Variants in RFX4 observed in about 807,000 individuals in gnomAD.
RFX4 encodes the protein regulatory factor X4.
Under a neutral mutation model 95.0 loss-of-function variants are expected in RFX4, and 10 were observed. That is an observed-to-expected ratio of 0.11 (90% confidence interval 0.06 to 0.18). The LOEUF (loss-of-function observed/expected upper bound fraction) is 0.18, where lower values mean the gene tolerates loss of function less well. Ranked by LOEUF, RFX4 falls within the 10% of genes least tolerant of loss-of-function variation. The pLI is 1.00. For missense variants in RFX4, 640 were observed against 922.0 expected (o/e 0.69, Z 3.96); for synonymous variants, 321 against 340.7 (o/e 0.94, Z 0.64).
At chr12:106,671,561 T>C (rs560512729) in intron 4 of RFX4, among the ~76,000 whole-genome samples, 1 of 152,280 alleles carries the variant, frequency 6.6e-6, no homozygotes, top group East Asian at 1.9e-4. Context: ...GGCCAGAGAC[T>C]GTGAATGGAG....
chr12:106,708,590 T>A (rs752813194), intron 8 of RFX4, among the ~76,000 whole-genome samples: 2 of 151,954 alleles, frequency 1.3e-5, no homozygotes, highest in Non-Finnish European at 2.9e-5. Flanking sequence ...AAGGCAAGGA[T>A]GGATGGTCAA....
At chr12:106,708,383 C>T (rs886626654) in intron 8 of RFX4, among the ~76,000 whole-genome samples, 9 of 151,544 alleles carry the variant, frequency 5.9e-5, no homozygotes, top group East Asian at 5.8e-4. Context: ...TGATTCCACC[C>T]GCTGGCAGGG....
Position 106,761,625 on chromosome 12 carries a change from A to C in RFX4, c.*156A>C, listed in dbSNP as rs1257763813. 1 of 414,478 alleles carries C rather than the reference A, an allele frequency of 2.4e-6. No individual in the cohort carries two copies. The highest frequency in any genetic ancestry group is 2.1e-5 in the African/African-American group (1 of 47,732). 25.7% of individuals were successfully genotyped at this position (414,478 alleles called of 1,614,324 possible). On this transcript the variant is annotated 3_prime_UTR_variant, in exon 18 of 18. Coordinates refer to ENST00000392842, the MANE Select transcript of RFX4 (RefSeq NM_213594.3). Reference sequence around the variant, plus strand: ...TCCTAATGAACATGAGGATGGGATCAATGTGGGATGAATAAACTTTAGTTC... The same window carrying C: ...TCCTAATGAACATGAGGATGGGATCCATGTGGGATGAATAAACTTTAGTTC...
chr12:106,694,987 A>G (rs1012952294), intron 7 of RFX4, among the ~76,000 whole-genome samples: 1 of 152,076 alleles, frequency 6.6e-6, no homozygotes, highest in African/African-American at 2.4e-5. Flanking sequence ...CAGTGAGCCG[A>G]GACCACACCA....
chr12:106,733,693 C>CA (rs2137567088), intron 15 of RFX4, among the ~76,000 whole-genome samples: 1 of 152,298 alleles, frequency 6.6e-6, no homozygotes, highest in South Asian at 2.1e-4. Flanking sequence ...AGTGGGTCTT[C>CA]AGCTAAGCTA....
Position 106,592,911 on chromosome 12 carries a change from G to T in RFX4, c.43+9548G>T, listed in dbSNP as rs75422755. Among the ~76,000 whole-genome samples, 1,001 of 152,256 alleles carry T rather than the reference G, an allele frequency of 6.6e-3. 13 individuals are homozygous for T. The highest frequency in any genetic ancestry group is 0.023 in the African/African-American group (968 of 41,548). The stretch of plus-strand genomic sequence containing the variant: ...GAGTTCTTGAAATGTTTACGAGAGG[G>T]AAAGAGATGATAAAAAGCAGAAAAG... On this transcript the variant is annotated intron_variant, in intron 1 of 17. Coordinates refer to ENST00000392842, the MANE Select transcript of RFX4 (RefSeq NM_213594.3).
chr12:106,666,662 AG>A (rs927592165), intron 4 of RFX4, among the ~76,000 whole-genome samples: 1 of 152,192 alleles, frequency 6.6e-6, no homozygotes, highest in Non-Finnish European at 1.5e-5. Flanking sequence ...ACACAAGCTC[AG>A]AGAGTCTTCA....
In RFX4 at chr12:106,654,336, T is replaced by C. The variant is rs1467877499; in HGVS notation, c.300T>C (p.Ala100=). ...CEKNDTQPVN[A]ASFGKIIRQQ... ...AGAATGATACCCAACCTGTCAATGC[T>C]GCCAGCTTTGGAAAGGTGAGTCCAG... The change falls in exon 4 of 18, where the codon GCT becomes GCC. Residue 100 remains alanine (A), a synonymous_variant. Transcript: ENST00000392842. 1 of 1,613,998 alleles carries C rather than the reference T, an allele frequency of 6.2e-7. No individual in the cohort carries two copies. Among genetic ancestry groups the C allele is most frequent in the African/African-American group, 1.3e-5 (1 of 75,044 alleles).
chr12:106,666,913 T>C (rs1293383248), intron 4 of RFX4, among the ~76,000 whole-genome samples: 1 of 152,158 alleles, frequency 6.6e-6, no homozygotes, highest in Non-Finnish European at 1.5e-5. Context: ...TTCTGAGCCT[T>C]GCTGTTTCTT....
intron 10 of RFX4, 37 bp downstream of exon 10, chr12:106,711,548 A>G (rs1409049728): frequency 2.5e-6 from 4 of 1,588,396 alleles, no homozygotes; most frequent in African/African-American, 1.3e-5. Context: ...ATCACTGCTG[A>G]GTCATTGCAA....
chr12:106,696,149 T>TG, intron 7 of RFX4, 134 bp from the exon 8 acceptor site: 2 of 1,007,130 alleles, frequency 2.0e-6, no homozygotes, highest in Non-Finnish European at 3.0e-6. Flanking sequence ...CATGGCAGGC[T>TG]GGGGGTGACT....
intron 7 of RFX4, 82 bp downstream of exon 7, chr12:106,689,446 G>C: frequency 2.6e-6 from 3 of 1,165,048 alleles, no homozygotes; most frequent in Non-Finnish European, 3.9e-6. Flanking sequence ...GCTCCTGCTA[G>C]GTGCCAGGCC....
chr12:106,592,966 G>T (rs2039569603), intron 1 of RFX4, among the ~76,000 whole-genome samples: 1 of 152,176 alleles, frequency 6.6e-6, no homozygotes, highest in Non-Finnish European at 1.5e-5. Context: ...GCTTTCAGTT[G>T]AATTGGGTCC....
chr12:106,583,465 T>G, intron 1 of RFX4, 102 bp downstream of exon 1: 1 of 1,131,364 alleles, frequency 8.8e-7, no homozygotes, highest in Admixed American at 2.9e-5. Flanking sequence ...CGGGTCAACT[T>G]GACAGTGGAA....
intron 7 of RFX4, among the ~76,000 whole-genome samples, chr12:106,693,997 G>C (rs540230494): frequency 1.3e-5 from 2 of 152,170 alleles, no homozygotes; most frequent in Non-Finnish European, 2.9e-5. Context: ...GAAGGGGAAC[G>C]GAGGCTTAGA....
chr12:106,616,268 T>G (rs183317139), intron 2 of RFX4, among the ~76,000 whole-genome samples: 152 of 152,342 alleles, frequency 1.0e-3, no homozygotes, highest in Middle Eastern at 3.4e-3. Flanking sequence ...ATCGGTTGAA[T>G]TTTGAATGTT....
chr12:106,754,040 CAA>C (rs1175209068), intron 17 of RFX4, among the ~76,000 whole-genome samples: 2 of 152,204 alleles, frequency 1.3e-5, no homozygotes, highest in African/African-American at 4.8e-5. Context: ...GCTGTTAGCA[CAA>C]AGACTTGTCT....
chr12:106,671,112 ACT>A (rs1190863684), intron 4 of RFX4, among the ~76,000 whole-genome samples: 1 of 151,954 alleles, frequency 6.6e-6, no homozygotes, highest in Non-Finnish European at 1.5e-5. Flanking sequence ...AAGACCCACA[ACT>A]CTCATTTTTA....
At chr12:106,647,756 C>T (rs2040776541) in intron 3 of RFX4, among the ~76,000 whole-genome samples, 1 of 152,220 alleles carries the variant, frequency 6.6e-6, no homozygotes, top group Non-Finnish European at 1.5e-5. Context: ...AATTGTTACT[C>T]TTTATTGAGT....
Sources: gnomAD v4.1 joint callset for allele counts (sites outside exome capture counted in the v4.1 genomes callset) on GRCh38, gnomAD v4.1.1 for gene constraint, MANE v1.5 for transcripts, NCBI Gene and HGNC (gene_info 2026-07-23, HGNC 2026-07-21) for gene names.